Variants in TMSB15B observed in about 807,000 individuals in gnomAD.
TMSB15B encodes the protein thymosin beta 15B, also known as thymosin beta-15B.
intron 1 of TMSB15B, among the ~76,000 whole-genome samples, chrX:103,941,196 T>C (rs1255171779): frequency 8.9e-6 from 1 of 112,217 alleles, no homozygotes; most frequent in Non-Finnish European, 1.9e-5. Context: ...TTGTTATAGC[T>C]CAATGCTATT....
chrX:103,923,122 G>C (rs1356324039), intron 1 of TMSB15B, among the ~76,000 whole-genome samples: 1 of 111,900 alleles, frequency 8.9e-6, no homozygotes, highest in Non-Finnish European at 1.9e-5. Context: ...CAGATGGGTA[G>C]ATTGCAAAAA....
chrX:103,923,080 T>G (rs1293537086), intron 1 of TMSB15B, among the ~76,000 whole-genome samples: 3 of 112,340 alleles, frequency 2.7e-5, no homozygotes, highest in African/African-American at 9.7e-5. Flanking sequence ...TTTGTTTAGG[T>G]TCTTTGTAGA....
chrX:103,926,567 G>A (rs542071094), intron 1 of TMSB15B, among the ~76,000 whole-genome samples: 162 of 109,732 alleles, frequency 1.5e-3, no homozygotes, highest in Non-Finnish European at 2.5e-3. Context: ...GGGAGAAGGG[G>A]CTAGGGAAGA....
At chrX:103,928,236 C>T in intron 1 of TMSB15B, 1 of 1,205,093 alleles carries the variant, frequency 8.3e-7, no homozygotes, top group Non-Finnish European at 1.1e-6. Flanking sequence ...CTGACCTTTC[C>T]TATCTATAAG....
At chrX:103,925,656 A>T (rs1489955540) in intron 1 of TMSB15B, among the ~76,000 whole-genome samples, 1 of 111,867 alleles carries the variant, frequency 8.9e-6, no homozygotes, top group African/African-American at 3.3e-5. Flanking sequence ...TCAAGTTAAT[A>T]ACAAAACTCA....
In TMSB15B at chrX:103,926,130, C is replaced by T. The variant is rs781901441; in HGVS notation, c.-721+6838C>T. Among the ~76,000 whole-genome samples the T allele has an allele frequency of 6.3e-5, 7 of 110,237 alleles. No individual in the cohort carries two copies. The South Asian group carries it at 2.8e-3, about 44-fold the overall frequency. On this transcript the variant is annotated intron_variant, in intron 1 of 3. Coordinates refer to the TMSB15B transcript ENST00000419165. ...AGCTAAAGGGTAAGAGGCAGAGGGACCCTCCCAGTGTACTGGCCATGAGCG... is the reference window on the plus strand; with the variant it reads ...AGCTAAAGGGTAAGAGGCAGAGGGATCCTCCCAGTGTACTGGCCATGAGCG...
chrX:103,934,338 GT>G (rs797036022), intron 1 of TMSB15B, among the ~76,000 whole-genome samples: 393 of 104,811 alleles, frequency 3.7e-3, no homozygotes, highest in South Asian at 0.028. Context: ...GATTGCATTA[GT>G]TTTTTTTTTT....
intron 1 of TMSB15B, among the ~76,000 whole-genome samples, chrX:103,920,111 C>T (rs1460835232): frequency 5.4e-5 from 6 of 111,823 alleles, no homozygotes; most frequent in Non-Finnish European, 7.5e-5. Flanking sequence ...AAAAGCTGCC[C>T]TTTTTATAAA....
intron 1 of TMSB15B, among the ~76,000 whole-genome samples, chrX:103,942,423 A>G (rs1556325672): frequency 9.0e-6 from 1 of 111,649 alleles, no homozygotes; most frequent in Non-Finnish European, 1.9e-5. Flanking sequence ...GTGTTCATAT[A>G]TTTTTGGGAA....
intron 1 of TMSB15B, among the ~76,000 whole-genome samples, chrX:103,955,260 A>C: frequency 9.0e-6 from 1 of 111,253 alleles, no homozygotes; most frequent in Non-Finnish European, 1.9e-5. Flanking sequence ...CTTCCAAATG[A>C]CTGCATCACC....
Position 103,927,662 on chromosome X carries a change from GTTTTT to G in TMSB15B, c.-721+8384_-721+8388del, listed in dbSNP as rs1157847043. On this transcript the variant is annotated intron_variant, in intron 1 of 3. Transcript: ENST00000419165. The stretch of plus-strand genomic sequence containing the variant: ...TTCTGCCTCTGCAAGATAGTGCCAG[GTTTTT>G]TTTTTTTTTTTTTGAAACAGAATAG... 1.0e-2 allele frequency among the ~76,000 whole-genome samples: 806 copies of G among 80,894 alleles called. 4 individuals carry two copies. Among genetic ancestry groups the G allele is most frequent in the Non-Finnish European group, 0.013 (527 of 40,078 alleles). 70.2% of individuals were successfully genotyped at this position (80,894 alleles called of 115,157 possible).
chrX:103,934,579 G>C (rs1270048861), intron 1 of TMSB15B, among the ~76,000 whole-genome samples: 2 of 111,167 alleles, frequency 1.8e-5, no homozygotes, highest in African/African-American at 3.3e-5. Flanking sequence ...TTATGAGTGA[G>C]AGCGTGCAGT....
chrX:103,924,449 G>A (rs1479496888), intron 1 of TMSB15B, among the ~76,000 whole-genome samples: 7 of 111,590 alleles, frequency 6.3e-5, no homozygotes, highest in Admixed American at 9.5e-5. Context: ...GTTGCTCCCC[G>A]TCCCAGGTGG....
intron 1 of TMSB15B, chrX:103,927,959 T>C (rs2074973479): frequency 5.1e-6 from 2 of 390,900 alleles, no homozygotes; most frequent in Non-Finnish European, 4.4e-6. Flanking sequence ...GAGTTGCTTG[T>C]TTCTGTCGAC....
At position 103,922,613 on chromosome X, in the gene TMSB15B, A is replaced by C. The variant is rs1218311336; in HGVS notation, c.-721+3321A>C. Among the ~76,000 whole-genome samples the C allele has an allele frequency of 4.7e-4, 52 of 111,072 alleles. No individual in the cohort carries two copies. In the Admixed American group the frequency reaches 4.9e-3, roughly 10 times the overall value. On this transcript the variant is annotated intron_variant, in intron 1 of 3. Transcript: ENST00000419165. ...TCTTAATCCAGTCTATTATTGACGG[A>C]CATTTGGGTTGGTTCCAAGTCTTTG...
At chrX:103,923,729 A>G (rs1490067351) in intron 1 of TMSB15B, among the ~76,000 whole-genome samples, 1 of 111,539 alleles carries the variant, frequency 9.0e-6, no homozygotes, top group African/African-American at 3.3e-5. Flanking sequence ...GTTTTTTCCA[A>G]TTCTGTGAAG....
intron 1 of TMSB15B, chrX:103,929,111 C>T (rs1357080090): frequency 1.5e-6 from 1 of 666,313 alleles, no homozygotes; most frequent in Non-Finnish European, 2.2e-6. Flanking sequence ...TTGCCTAATA[C>T]AGCCATCTTT....
chrX:103,929,048 G>A (rs2074977432), intron 1 of TMSB15B: 6 of 1,100,266 alleles, frequency 5.5e-6, no homozygotes, highest in African/African-American at 1.8e-5. Context: ...TGCCACCTTT[G>A]TTATTCTGAA....
chrX:103,954,509 C>A (rs1374116924), intron 1 of TMSB15B, among the ~76,000 whole-genome samples: 1 of 111,796 alleles, frequency 8.9e-6, no homozygotes, highest in Non-Finnish European at 1.9e-5. Flanking sequence ...AAGCCCACAG[C>A]AACTCCCCAC....
Sources: gnomAD v4.1 joint callset for allele counts (sites outside exome capture counted in the v4.1 genomes callset) on GRCh38, gnomAD v4.1.1 for gene constraint, MANE v1.5 for transcripts, NCBI Gene and HGNC (gene_info 2026-07-23, HGNC 2026-07-21) for gene names.